FUT8: variants seen among roughly 807,000 people sequenced by gnomAD.
The protein encoded by FUT8 is fucosyltransferase 8.
FUT8 carries 29 observed loss-of-function variants against 71.3 expected under a neutral mutation model. The observed-to-expected ratio is 0.41, with a 90% CI of 0.30 to 0.55. The LOEUF (loss-of-function observed/expected upper bound fraction) is 0.55. Ranked by LOEUF, FUT8 falls within the 20% of genes least tolerant of loss-of-function variation. The pLI is 0.34. For missense variants in FUT8, 544 were observed against 702.1 expected (o/e 0.77, Z 2.55); for synonymous variants, 254 against 239.3 (o/e 1.06, Z -0.57).
upstream of FUT8, chr14:65,412,196 A>G (rs1418335045): frequency 2.2e-6 from 1 of 456,628 alleles, no homozygotes; most frequent in Non-Finnish European, 4.4e-6. Flanking sequence ...GGCTTCGCTG[A>G]GTCTCCTGGG....
In FUT8 at chr14:65,448,874, A is replaced by C. The variant is rs530712651; in HGVS notation, c.-325-6747A>C. Among the ~76,000 whole-genome samples the C allele has an allele frequency of 4.3e-4, 66 of 152,360 alleles. 2 individuals are homozygous for C. In the South Asian group the frequency reaches 0.013, roughly 30 times the overall value. On this transcript the variant is annotated intron_variant, in intron 1 of 10. Transcript: ENST00000673929. ...ATAGATACTGATACGATTTTCCTTT[A>C]TAATTTTCAGATTATTTTTTATTTT... is the stretch of plus-strand genomic sequence containing the variant.
At chr14:65,639,931 A>G (rs1216805032) in intron 6 of FUT8, among the ~76,000 whole-genome samples, 2 of 152,172 alleles carry the variant, frequency 1.3e-5, no homozygotes, top group Non-Finnish European at 2.9e-5. Context: ...ATCATTGTTT[A>G]AAATCATCAA....
In FUT8 at chr14:65,643,651, CT is replaced by C. The variant is rs1201240891; in HGVS notation, c.597+14048del. ...CCTGGGCGACAGAGCGAGACTCCGTCTTTAAAAAAAAAATACACACACACAC... is the reference window on the plus strand; with the variant it reads ...CCTGGGCGACAGAGCGAGACTCCGTCTTAAAAAAAAAATACACACACACAC... On this transcript the variant is annotated intron_variant, in intron 6 of 10. Transcript: ENST00000673929. This position sits in a 1 kb window ranked among gnomAD's most constrained non-coding sequence, Gnocchi z 4.5. Among the ~76,000 whole-genome samples the C allele has an allele frequency of 3.5e-5, 4 of 113,956 alleles. No individual in the cohort carries two copies. The highest frequency in any genetic ancestry group is 1.3e-4 in the African/African-American group (4 of 31,192). 74.8% of individuals were successfully genotyped at this position (113,956 alleles called of 152,430 possible). A position where few individuals can be genotyped will look rare whatever the true frequency, so the allele number is the denominator to read the frequency against.
At chr14:65,515,979 C>T (rs2063759569) in intron 2 of FUT8, among the ~76,000 whole-genome samples, 1 of 151,800 alleles carries the variant, frequency 6.6e-6, no homozygotes, top group Non-Finnish European at 1.5e-5. Flanking sequence ...GATAATTTAG[C>T]ATATTGTTTG....
At chr14:65,386,503 CAAAAA>C in the FUT8 span, among the ~76,000 whole-genome samples, 7 of 46,868 alleles carry the variant, frequency 1.5e-4, no homozygotes, top group Admixed American at 2.3e-4. Flanking sequence ...GACCTCGTCT[CAAAAA>C]AAAAAAAAAA....
the FUT8 span, among the ~76,000 whole-genome samples, chr14:65,374,603 T>TG: frequency 2.4e-3 from 352 of 148,246 alleles, 1 homozygote; most frequent in South Asian, 7.7e-3. Flanking sequence ...TTTTTTTTGT[T>TG]TTTTTTTTTT....
At chr14:65,481,976 G>A (rs1243489298) in intron 2 of FUT8, among the ~76,000 whole-genome samples, 1 of 152,024 alleles carries the variant, frequency 6.6e-6, no homozygotes, top group Non-Finnish European at 1.5e-5. Context: ...TTTAAATTAT[G>A]ATGAAATTTG....
chr14:65,383,265 C>CTTTTTTTTCTTTTTTTTTTTT, the FUT8 span, among the ~76,000 whole-genome samples: 3 of 86,510 alleles, frequency 3.5e-5, no homozygotes, highest in South Asian at 4.5e-4. Context: ...TTTTTCTTTT[C>CTTTTTTTTCTTTTTTTTTTTT]TTTTTTTTTT....
At chr14:65,590,910 A>G (rs536243421) in intron 3 of FUT8, among the ~76,000 whole-genome samples, 18 of 152,276 alleles carry the variant, frequency 1.2e-4, no homozygotes, top group African/African-American at 4.3e-4. Context: ...AATTTTAGAC[A>G]TTTGTCATTT....
intron 6 of FUT8, among the ~76,000 whole-genome samples, chr14:65,665,764 G>A (rs1892182709): frequency 6.6e-6 from 1 of 152,162 alleles, no homozygotes; most frequent in African/African-American, 2.4e-5. Flanking sequence ...AAAAAAGAAT[G>A]AGGTCATCTC....
At chr14:65,447,834 A>T (rs186433006) in intron 1 of FUT8, among the ~76,000 whole-genome samples, 11 of 152,262 alleles carry the variant, frequency 7.2e-5, no homozygotes, top group Admixed American at 5.9e-4. Flanking sequence ...CTGAGATCAC[A>T]TAGTAAATTT....
the FUT8 span, among the ~76,000 whole-genome samples, chr14:65,401,957 T>C: frequency 6.8e-6 from 1 of 146,204 alleles, no homozygotes; most frequent in South Asian, 2.1e-4. Flanking sequence ...GGAAAAGGAA[T>C]GCCATGGGGA....
Position 65,413,299 on chromosome 14 carries a change from C to G in FUT8, c.-326+85C>G, listed in dbSNP as rs1246900229. ...CGCGGGATCTGAGGAGGCTCCGCGG[C>G]TGTCCCTGCTCGTTCACCCGGGCCT... is the stretch of plus-strand genomic sequence containing the variant. On this transcript the variant is annotated intron_variant, in intron 1 of 10. Transcript: ENST00000673929. This position sits in a 1 kb window ranked among gnomAD's most constrained non-coding sequence, Gnocchi z 4.1. 1 of 152,360 alleles carries G rather than the reference C, an allele frequency of 6.6e-6. No individual in the cohort carries two copies. Among genetic ancestry groups the G allele is most frequent in the African/African-American group, 2.4e-5 (1 of 41,470 alleles). 9.4% of individuals were successfully genotyped at this position (152,360 alleles called of 1,614,324 possible). A position where few individuals can be genotyped will look rare whatever the true frequency, so the allele number is the denominator to read the frequency against.
chr14:65,511,938 A>G (rs553026875), intron 2 of FUT8, among the ~76,000 whole-genome samples: 1 of 152,108 alleles, frequency 6.6e-6, no homozygotes, highest in South Asian at 2.1e-4. Flanking sequence ...GCCATTTTGT[A>G]ATTTGTTTTC....
Position 65,721,870 on chromosome 14 carries a change from GA to G in FUT8, c.932del (p.Asp311AlafsTer25). Reference sequence around the variant, plus strand: ...ATATTTACCCTTGGCTGTACCAGAAGACCTCGCAGATCGACTTGTACGAGTG... The same window carrying G: ...ATATTTACCCTTGGCTGTACCAGAAGCCTCGCAGATCGACTTGTACGAGTG... ...PPYLPLAVPEDLADRLVRVHG... is the reference protein window; with the variant it reads ...PPYLPLAVPEXLADRLVRVHG... On this transcript the variant is annotated frameshift_variant, in exon 8 of 11. Coordinates refer to ENST00000673929, the MANE Select transcript of FUT8 (RefSeq NM_001371533.1). LOFTEE classifies it high-confidence loss of function. 1 of 1,614,210 alleles carries G rather than the reference GA, an allele frequency of 6.2e-7. No individual in the cohort carries two copies. The highest frequency in any genetic ancestry group is 8.5e-7 in the Non-Finnish European group (1 of 1,180,048).
chr14:65,461,684 T>TA (rs1165252523), intron 2 of FUT8, among the ~76,000 whole-genome samples: 2 of 152,216 alleles, frequency 1.3e-5, no homozygotes, highest in East Asian at 3.8e-4. Context: ...TTGTTACTGA[T>TA]ACACCAGGAG....
intron 1 of FUT8, among the ~76,000 whole-genome samples, chr14:65,415,408 CTTAAAGA>C (rs2065204414): frequency 6.6e-6 from 1 of 152,086 alleles, no homozygotes. Context: ...AAGCTAAATG[CTTAAAGA>C]TTTATTGGAT....
At chr14:65,556,901 T>C (rs1207307138) in intron 2 of FUT8, among the ~76,000 whole-genome samples, 3 of 152,216 alleles carry the variant, frequency 2.0e-5, no homozygotes, top group African/African-American at 7.2e-5. Context: ...ATCTCCAGTT[T>C]ACAGATTGAT....
intron 3 of FUT8, among the ~76,000 whole-genome samples, chr14:65,586,873 C>T (rs1034653488): frequency 1.3e-5 from 2 of 152,168 alleles, no homozygotes; most frequent in Non-Finnish European, 2.9e-5. Flanking sequence ...CCCCCCTACA[C>T]GTTTTCATCT....
Sources: gnomAD v4.1 joint callset for allele counts (sites outside exome capture counted in the v4.1 genomes callset) on GRCh38, gnomAD v4.1.1 for gene constraint, Gnocchi (gnomAD v3.1) non-coding constraint, MANE v1.5 for transcripts, NCBI Gene and HGNC (gene_info 2026-07-23, HGNC 2026-07-21) for gene names.